STXBP5L: variants seen among roughly 807,000 people sequenced by gnomAD.
STXBP5L encodes the protein syntaxin-binding protein 5-like.
In STXBP5L, 65 loss-of-function variants were observed where a neutral mutation model predicts 144.5. The ratio of observed to expected loss-of-function variants is 0.45; its 90% CI spans 0.37 to 0.55. STXBP5L has a LOEUF of 0.55. Ranked by LOEUF, STXBP5L falls within the 20% of genes least tolerant of loss-of-function variation. STXBP5L has a pLI of 0.00. For missense variants in STXBP5L, 1,298 were observed against 1,405.5 expected (o/e 0.92, Z 1.22); for synonymous variants, 505 against 469.6 (o/e 1.08, Z -0.97).
chr3:121,083,311 C>T (rs1264894428), intron 5 of STXBP5L, among the ~76,000 whole-genome samples: 1 of 152,068 alleles, frequency 6.6e-6, no homozygotes, highest in Non-Finnish European at 1.5e-5. Flanking sequence ...CTCAGGTAGT[C>T]TTTATTTATA....
chr3:121,295,437 T>C lies in STXBP5L; in HGVS notation c.2110+15481T>C, dbSNP rs531317321. On this transcript the variant is annotated intron_variant, in intron 19 of 26. Transcript: ENST00000471454. ...ATTTTAGTAGTTTTTCCTCTTAAAATCAGTTTTACAGTGTAAATTTCTTAC... is the reference window on the plus strand; with the variant it reads ...ATTTTAGTAGTTTTTCCTCTTAAAACCAGTTTTACAGTGTAAATTTCTTAC... Among the ~76,000 whole-genome samples, 243 of 152,276 alleles carry C rather than the reference T, an allele frequency of 1.6e-3. 1 individual carries two copies. The highest frequency in any genetic ancestry group is 2.9e-3 in the Non-Finnish European group (200 of 67,988).
At chr3:121,182,776 G>C (rs187950908) in intron 9 of STXBP5L, among the ~76,000 whole-genome samples, 6 of 152,242 alleles carry the variant, frequency 3.9e-5, no homozygotes, top group East Asian at 3.9e-4. Context: ...AAACAAGAGA[G>C]AGCATCCAAA....
At chr3:120,988,837 C>G (rs2107939409) in intron 3 of STXBP5L, among the ~76,000 whole-genome samples, 1 of 152,150 alleles carries the variant, frequency 6.6e-6, no homozygotes, top group South Asian at 2.1e-4. Context: ...TTTTCTGAGT[C>G]TTCACTGTGA....
At chr3:121,088,121 C>G (rs2042589705) in intron 5 of STXBP5L, among the ~76,000 whole-genome samples, 1 of 151,354 alleles carries the variant, frequency 6.6e-6, no homozygotes, top group African/African-American at 2.4e-5. Context: ...AGCTTCTGCA[C>G]AGCAAAAGAA....
chr3:121,387,359 T>G (rs940281427), intron 22 of STXBP5L, among the ~76,000 whole-genome samples: 1 of 152,236 alleles, frequency 6.6e-6, no homozygotes, highest in Non-Finnish European at 1.5e-5. Flanking sequence ...GTAGGTTGCC[T>G]GTTCACTCTG....
At chr3:121,160,404 T>A (rs2108015371) in intron 9 of STXBP5L, among the ~76,000 whole-genome samples, 1 of 152,162 alleles carries the variant, frequency 6.6e-6, no homozygotes, top group Middle Eastern at 3.4e-3. Flanking sequence ...GAAAAAAAAT[T>A]AAAAATACAA....
intron 18 of STXBP5L, 71 bp from the exon 19 acceptor site, chr3:121,279,733 AT>A: frequency 1.9e-6 from 3 of 1,557,784 alleles, no homozygotes; most frequent in Non-Finnish European, 2.6e-6. Flanking sequence ...CAATAATCCT[AT>A]GATTGATTTG....
chr3:121,286,545 T>C (rs2051238404), intron 19 of STXBP5L, among the ~76,000 whole-genome samples: 1 of 152,124 alleles, frequency 6.6e-6, no homozygotes, highest in African/African-American at 2.4e-5. Flanking sequence ...AATAAAGTCA[T>C]AGATAATTGA....
chr3:121,343,399 G>T lies in STXBP5L; in HGVS notation c.2176+24859G>T, dbSNP rs186114701. Reference sequence around the variant, plus strand: ...CATAGTGTTGGAAGTTATGGCCAGGGCAATTAGGCAGGAGAAGGAAATAAA... The same window carrying T: ...CATAGTGTTGGAAGTTATGGCCAGGTCAATTAGGCAGGAGAAGGAAATAAA... On this transcript the variant is annotated intron_variant, in intron 20 of 26. Transcript: ENST00000471454. Among the ~76,000 whole-genome samples, 430 of 152,192 alleles carry T rather than the reference G, an allele frequency of 2.8e-3. 1 individual carries two copies. Among genetic ancestry groups the T allele is most frequent in the Non-Finnish European group, 4.5e-3 (309 of 68,024 alleles).
At chr3:121,352,717 T>C (rs958659413) in intron 20 of STXBP5L, among the ~76,000 whole-genome samples, 5 of 152,022 alleles carry the variant, frequency 3.3e-5, no homozygotes, top group Non-Finnish European at 7.4e-5. Flanking sequence ...TCCAACATTA[T>C]GTTAAATAGG....
chr3:121,147,952 C>T (rs1577063243), intron 7 of STXBP5L, among the ~76,000 whole-genome samples: 1 of 152,198 alleles, frequency 6.6e-6, no homozygotes, highest in Admixed American at 6.6e-5. Flanking sequence ...TGGAACTATA[C>T]CATTGGTTCT....
At chr3:121,298,129 CTCA>C (rs2051733287) in intron 19 of STXBP5L, among the ~76,000 whole-genome samples, 2 of 152,170 alleles carry the variant, frequency 1.3e-5, no homozygotes, top group Admixed American at 1.3e-4. Context: ...TCTCCACATC[CTCA>C]TCAACACTTG....
chr3:121,345,715 A>G (rs1169914404), intron 20 of STXBP5L, among the ~76,000 whole-genome samples: 1 of 152,008 alleles, frequency 6.6e-6, no homozygotes, highest in African/African-American at 2.4e-5. Flanking sequence ...CTGGCATGAG[A>G]TGGTATCTCA....
chr3:121,256,085 A>T (rs1044787599), intron 16 of STXBP5L, among the ~76,000 whole-genome samples: 21 of 152,260 alleles, frequency 1.4e-4, no homozygotes, highest in African/African-American at 4.8e-4. Flanking sequence ...TGTAGCTATG[A>T]TTCAGTTTCA....
chr3:121,313,038 C>T (rs547819725), intron 19 of STXBP5L, among the ~76,000 whole-genome samples: 2,005 of 145,462 alleles, frequency 0.014, 42 homozygotes, highest in African/African-American at 0.047. Context: ...TAGGGGCGGC[C>T]GGGCAGAAGC....
chr3:121,064,772 G>C (rs1169431808), intron 5 of STXBP5L, among the ~76,000 whole-genome samples: 3 of 152,168 alleles, frequency 2.0e-5, no homozygotes, highest in Non-Finnish European at 4.4e-5. Flanking sequence ...GGATGCATGG[G>C]CATGTTTAAT....
chr3:121,063,338 C>T (rs1393121354), intron 5 of STXBP5L, among the ~76,000 whole-genome samples: 1 of 152,220 alleles, frequency 6.6e-6, no homozygotes, highest in Non-Finnish European at 1.5e-5. Context: ...TGCAGAACAG[C>T]AAAGATTGCT....
chr3:121,185,963 T>C (rs1444785031), intron 9 of STXBP5L, among the ~76,000 whole-genome samples: 1 of 152,186 alleles, frequency 6.6e-6, no homozygotes, highest in African/African-American at 2.4e-5. Context: ...TGTATCCTCT[T>C]TTATTTCACT....
At chr3:121,223,228 G>C in intron 11 of STXBP5L, 71 bp downstream of exon 11, 2 of 1,474,472 alleles carry the variant, frequency 1.4e-6, no homozygotes, top group East Asian at 2.3e-5. Flanking sequence ...ACAAAATTAA[G>C]GTTAAATATT....
Sources: allele counts gnomAD v4.1 joint callset (sites outside exome capture counted in the v4.1 genomes callset), GRCh38; gene constraint gnomAD v4.1.1; transcripts MANE v1.5; gene names NCBI Gene and HGNC (gene_info 2026-07-23, HGNC 2026-07-21).